FKBP15: variants seen among roughly 807,000 people sequenced by gnomAD.
FKBP15 encodes the protein FKBP prolyl isomerase family member 15.
FKBP15 carries 106 observed loss-of-function variants against 158.1 expected under a neutral mutation model. The ratio of observed to expected loss-of-function variants is 0.67; its 90% CI spans 0.57 to 0.79. The LOEUF is 0.79. Ranked by LOEUF, FKBP15 falls within the 30% of genes least tolerant of loss-of-function variation. FKBP15 has a pLI of 0.00. For missense variants in FKBP15, 1,287 were observed against 1,479.1 expected, an observed-to-expected ratio of 0.87 and a Z score of 2.13; for synonymous variants, 547 against 548.6, an observed-to-expected ratio of 1.00 and a Z score of 0.04.
chr9:113,191,274 G>T (rs1412063567), intron 11 of FKBP15, among the ~76,000 whole-genome samples: 1 of 151,650 alleles, frequency 6.6e-6, no homozygotes, highest in Non-Finnish European at 1.5e-5. Context: ...CCAGATTTAA[G>T]ACGTCTTCCC....
chr9:113,164,746 A>T lies in FKBP15; in HGVS notation c.*1332T>A, dbSNP rs553889723. 2 of 152,262 alleles carry T rather than the reference A, an allele frequency of 1.3e-5. No individual in the cohort carries two copies. The highest frequency in any genetic ancestry group is 1.5e-5 in the Non-Finnish European group (1 of 68,062). The allele number at this position is 152,262 out of a possible 1,614,324, so 9.4% of individuals were successfully genotyped here. A position where few individuals can be genotyped will look rare whatever the true frequency, so the allele number is the denominator to read the frequency against. On this transcript the variant is annotated 3_prime_UTR_variant, in exon 28 of 28. Transcript: ENST00000238256. ...ATTCTTGTGCTGAGGCTTCCTAGAT[A>T]TGTAACTTTGGGCAAATTACTTTAC...
chr9:113,199,487 G>A (rs1830746370), intron 7 of FKBP15, among the ~76,000 whole-genome samples: 1 of 152,164 alleles, frequency 6.6e-6, no homozygotes, highest in African/African-American at 2.4e-5. Flanking sequence ...CTAAAAAGAA[G>A]TTTTAAGACT....
chr9:113,203,485 C>A (rs1192283687), intron 4 of FKBP15, among the ~76,000 whole-genome samples: 23 of 152,036 alleles, frequency 1.5e-4, no homozygotes, highest in Admixed American at 1.5e-3. Context: ...AATCCCCACC[C>A]TGAGATAACC....
rs1297050245 is a variant in FKBP15 at position 113,170,518 on chromosome 9, G to A, written c.2766+4C>T. 1 of 1,595,216 alleles carries A rather than the reference G, an allele frequency of 6.3e-7. No homozygotes were observed. Among genetic ancestry groups the A allele is most frequent in the South Asian group, 1.1e-5 (1 of 90,720 alleles). On this transcript the variant is annotated splice_donor_region_variant and intron_variant, in intron 25 of 27. Coordinates refer to ENST00000238256, the MANE Select transcript of FKBP15 (RefSeq NM_015258.2). ...TGAAACAAATGACAGCTGGCTGGCTGTACCTTGATCGTATTCATGATGGTT... is the reference window on the plus strand; with the variant it reads ...TGAAACAAATGACAGCTGGCTGGCTATACCTTGATCGTATTCATGATGGTT...
At chr9:113,203,074 AG>A (rs1830825267) in intron 4 of FKBP15, 39 bp from the exon 5 acceptor site, 5 of 1,360,960 alleles carry the variant, frequency 3.7e-6, no homozygotes, top group Non-Finnish European at 5.1e-6. Flanking sequence ...AAAAAAAGAG[AG>A]ACAGCAGAAG....
At position 113,162,531 on chromosome 9, in the gene FKBP15, C is replaced by T. The variant is rs3827672; in HGVS notation, c.*3547G>A. 63,049 of 378,338 alleles carry T rather than the reference C, an allele frequency of 0.17. 5,887 individuals are homozygous for T. Among genetic ancestry groups the T allele is most frequent in the Non-Finnish European group, 0.19 (41,521 of 222,788 alleles). The allele number at this position is 378,338 out of a possible 1,614,324, so 23.4% of individuals were successfully genotyped here. A position where few individuals can be genotyped will look rare whatever the true frequency, so the allele number is the denominator to read the frequency against. On this transcript the variant is annotated 3_prime_UTR_variant, in exon 28 of 28. Coordinates refer to ENST00000238256, the MANE Select transcript of FKBP15 (RefSeq NM_015258.2). ...CCTAGGATGCCAGGAAGCTTGAAAC[C>T]AAATGTAGTGAAGATATGTCTCTTT...
At chr9:113,211,064 C>T (rs1366288243) in intron 2 of FKBP15, among the ~76,000 whole-genome samples, 1 of 152,182 alleles carries the variant, frequency 6.6e-6, no homozygotes, top group Non-Finnish European at 1.5e-5. Flanking sequence ...ACCTTGTGAT[C>T]GTGTGAGTCA....
At chr9:113,193,038 A>G (rs759290600) in intron 11 of FKBP15, among the ~76,000 whole-genome samples, 1 of 152,236 alleles carries the variant, frequency 6.6e-6, no homozygotes, top group East Asian at 1.9e-4. Context: ...CACTTTACAA[A>G]TTATCTCTAA....
intron 1 of FKBP15, among the ~76,000 whole-genome samples, chr9:113,214,634 A>G (rs1368578820): frequency 6.6e-6 from 1 of 152,220 alleles, no homozygotes; most frequent in Non-Finnish European, 1.5e-5. Flanking sequence ...TTCAACTTTA[A>G]GTCACCAGCT....
rs1052475694 is a variant in FKBP15, at chr9:113,178,398, T to A, written c.2086+232A>T. Among the ~76,000 whole-genome samples the A allele has an allele frequency of 2.6e-5, 4 of 152,282 alleles. No individual in the cohort carries two copies. In the South Asian group the frequency reaches 8.3e-4, roughly 32 times the overall value. On this transcript the variant is annotated intron_variant, in intron 20 of 27. Transcript: ENST00000238256. ...TACCAAAGATTTTGAAGCCAACACC[T>A]CCCCAAACAAAAGGGAACTGTGGCA... is the stretch of plus-strand genomic sequence containing the variant.
chr9:113,215,517 A>T (rs1831102761), intron 1 of FKBP15, among the ~76,000 whole-genome samples: 1 of 151,744 alleles, frequency 6.6e-6, no homozygotes, highest in African/African-American at 2.4e-5. Flanking sequence ...TAACAGATAT[A>T]ATACCATTGA....
chr9:113,173,656 A>C, intron 22 of FKBP15, 51 bp from the exon 23 acceptor site: 2 of 1,581,526 alleles, frequency 1.3e-6, no homozygotes, highest in Non-Finnish European at 1.7e-6. Flanking sequence ...GGGGAGTGAG[A>C]TTCCATTGCA....
intron 26 of FKBP15, 51 bp downstream of exon 26, chr9:113,169,173 C>T: frequency 1.3e-6 from 2 of 1,545,050 alleles, no homozygotes; most frequent in Non-Finnish European, 1.7e-6. Context: ...AACAGAGACA[C>T]TCACCACAGA....
chr9:113,215,097 C>A (rs10981690), intron 1 of FKBP15, among the ~76,000 whole-genome samples: 11,749 of 152,260 alleles, frequency 0.077, 563 homozygotes, highest in South Asian at 0.14. Flanking sequence ...TTTGCTTTCT[C>A]ATCATTTGTG....
intron 12 of FKBP15, among the ~76,000 whole-genome samples, chr9:113,189,707 C>T (rs112156156): frequency 0.013 from 1,915 of 152,034 alleles, 45 homozygotes; most frequent in African/African-American, 0.043. Flanking sequence ...TGTTTTCTAT[C>T]AAAGTAAAAG....
At chr9:113,215,642 A>T (rs191014833) in intron 1 of FKBP15, among the ~76,000 whole-genome samples, 4,397 of 81,494 alleles carry the variant, frequency 0.054, 160 homozygotes, top group South Asian at 0.088. Flanking sequence ...ATATATATAT[A>T]TATTTTTTTT....
chr9:113,173,515 A>G lies in FKBP15; in HGVS notation c.2470T>C (p.Tyr824His). ...ASAKDEHLQQYQEVCAQRDAY... is the reference protein window; with the variant it reads ...ASAKDEHLQQHQEVCAQRDAY... ...TCTCTCTGTGCGCACACCTCCTGGT[A>G]CTGCTGCAGGTGCTCATCCTTGGCG... is the stretch of plus-strand genomic sequence containing the variant. Residue 824 changes from tyrosine (Y) to histidine (H), a missense_variant, in exon 23 of 28, where the codon TAC becomes CAC. Coordinates refer to ENST00000238256, the MANE Select transcript of FKBP15 (RefSeq NM_015258.2). 6.2e-7 allele frequency: 1 copy of G among 1,613,944 alleles called. No individual in the cohort carries two copies. The highest frequency in any genetic ancestry group is 8.5e-7 in the Non-Finnish European group (1 of 1,179,830).
At chr9:113,170,418 C>T in intron 25 of FKBP15, 104 bp downstream of exon 25, 1 of 838,430 alleles carries the variant, frequency 1.2e-6, no homozygotes. Flanking sequence ...AAGCATAAGC[C>T]ACTGTGCCAG....
chr9:113,203,100 A>T, intron 4 of FKBP15, 65 bp from the exon 5 acceptor site: 1 of 1,070,172 alleles, frequency 9.3e-7, no homozygotes, highest in Non-Finnish European at 1.4e-6. Flanking sequence ...AAGGCAATAT[A>T]AAATCAGCAA....
Sources: gnomAD v4.1 joint callset for allele counts (sites outside exome capture counted in the v4.1 genomes callset) on GRCh38, gnomAD v4.1.1 for gene constraint, MANE v1.5 for transcripts, NCBI Gene and HGNC (gene_info 2026-07-23, HGNC 2026-07-21) for gene names.